The following ZDBF2 variants were observed in gnomAD, a reference collection of about 807,000 sequenced individuals.
ZDBF2 encodes the protein DBF4-type zinc finger-containing protein 2.
Under a neutral mutation model 9.4 loss-of-function variants are expected in ZDBF2, and 6 were observed. The ratio of observed to expected loss-of-function variants is 0.64; its 90% CI spans 0.35 to 1.27. The LOEUF is 1.27. Ranked by LOEUF, ZDBF2 falls within the 50% of genes most tolerant of loss-of-function variation. ZDBF2 has a pLI of 0.03. For synonymous variants in ZDBF2, 905 were observed against 946.3 expected (o/e 0.96, Z 0.80); for missense variants, 2,697 against 2,766.8 (o/e 0.97, Z 0.57).
At chr2:206,300,234 T>C (rs1692432064) in intron 4 of ZDBF2, among the ~76,000 whole-genome samples, 1 of 152,218 alleles carries the variant, frequency 6.6e-6, no homozygotes. Context: ...ACAGCTAATC[T>C]GTAGACCTTG....
chr2:206,299,890 C>G (rs1254960686), intron 4 of ZDBF2, among the ~76,000 whole-genome samples: 2 of 151,830 alleles, frequency 1.3e-5, no homozygotes, highest in African/African-American at 4.8e-5. Context: ...GGCGGATCAC[C>G]TGAGGTCGGG....
rs754048438 is a variant in ZDBF2, at chr2:206,281,818, A to G, written c.-32A>G. ...TTTTTCAGCTTGAGTATTCAAAGAC[A>G]GTAGCCATCTGACTTCAGTTATTTA... is the stretch of plus-strand genomic sequence containing the variant. On this transcript the variant is annotated 5_prime_UTR_variant, in exon 3 of 5. Coordinates refer to ENST00000374423, the MANE Select transcript of ZDBF2 (RefSeq NM_020923.3). The G allele has an allele frequency of 6.8e-6, 11 of 1,606,034 alleles. No homozygotes were observed. In the South Asian group the frequency reaches 1.2e-4, roughly 18 times the overall value.
intron 4 of ZDBF2, 103 bp from the exon 5 acceptor site, chr2:206,304,614 G>C: frequency 7.2e-7 from 1 of 1,385,386 alleles, no homozygotes; most frequent in Non-Finnish European, 9.6e-7. Flanking sequence ...TGTCCTTTAA[G>C]GATAGTCCAG....
Position 206,305,158 on chromosome 2 carries a change from A to G in ZDBF2, c.630A>G (p.Ala210=), listed in dbSNP as rs558357541. The G allele has an allele frequency of 3.1e-6, 5 of 1,613,890 alleles. No individual in the cohort carries two copies. In the Admixed American group the frequency reaches 8.3e-5, roughly 27 times the overall value. ...CTAATACAACTAGTTTACCACCAGC[A>G]GCTCATTTGGATTCAGTTAGCAAAT... ...VTANTTSLPP[A]AHLDSVSKCD... is the part of the protein sequence containing the mutation. Residue 210 remains alanine (A), a synonymous_variant, in exon 5 of 5, where the codon GCA becomes GCG. Coordinates refer to ENST00000374423, the MANE Select transcript of ZDBF2 (RefSeq NM_020923.3).
At chr2:206,291,886 A>G (rs1481687934) in intron 3 of ZDBF2, among the ~76,000 whole-genome samples, 2 of 152,214 alleles carry the variant, frequency 1.3e-5, no homozygotes, top group Admixed American at 6.5e-5. Context: ...AACAGAAACA[A>G]TGGAAGCCAA....
chr2:206,303,004 CTAT>C (rs1409672733), intron 4 of ZDBF2, among the ~76,000 whole-genome samples: 6 of 152,052 alleles, frequency 3.9e-5, no homozygotes, highest in Non-Finnish European at 8.8e-5. Context: ...CACAATTTCT[CTAT>C]TATTAACATT....
Position 206,304,807 on chromosome 2 carries a change from T to G in ZDBF2, c.279T>G (p.Asp93Glu), listed in dbSNP as rs1692681826. The G allele has an allele frequency of 9.3e-6, 15 of 1,613,510 alleles. No homozygotes were observed. The highest frequency in any genetic ancestry group is 1.3e-5 in the Non-Finnish European group (15 of 1,179,704). ...DDAFSEEEEE[D>E]EDKVEDEDAT... is the part of the protein sequence containing the mutation. The stretch of plus-strand genomic sequence containing the variant: ...CTTTTTCTGAAGAAGAGGAAGAGGA[T>G]GAGGATAAGGTTGAGGATGAGGATG... Residue 93 changes from aspartate (D) to glutamate (E), a missense_variant, in exon 5 of 5, where the codon GAT becomes GAG. Physicochemically the swap from Asp to Glu is conservative, Grantham distance 45 (BLOSUM62 2). Transcript: ENST00000374423.
At chr2:206,295,993 C>CT (rs1692155702) in intron 3 of ZDBF2, among the ~76,000 whole-genome samples, 1 of 152,160 alleles carries the variant, frequency 6.6e-6, no homozygotes, top group East Asian at 1.9e-4. Flanking sequence ...TCTTTGACCT[C>CT]TTTTAATACA....
At chr2:206,291,850 T>C (rs1559138748) in intron 3 of ZDBF2, among the ~76,000 whole-genome samples, 1 of 152,166 alleles carries the variant, frequency 6.6e-6, no homozygotes, top group Non-Finnish European at 1.5e-5. Flanking sequence ...TGAAGTAATA[T>C]GGGGCCCATA....
rs2105884136 is a variant in ZDBF2 at position 206,274,706 on chromosome 2, G to A, written c.-343G>A. 1.3e-5 allele frequency: 2 copies of A among 152,386 alleles called. No homozygotes were observed. The highest frequency in any genetic ancestry group is 4.8e-5 in the African/African-American group (2 of 41,592). The allele number at this position is 152,386 out of a possible 1,614,324, so 9.4% of individuals were successfully genotyped here. On this transcript the variant is annotated 5_prime_UTR_variant, in exon 1 of 5. Transcript: ENST00000374423. ...CAACGCCACGTTGCCTTGGATGCCT[G>A]CGTGAGTGGAGTCGCGACTCGGGGC...
At position 206,306,518 on chromosome 2, in the gene ZDBF2, C is replaced by G. The variant is rs531833661; in HGVS notation, c.1990C>G (p.His664Asp). The G allele has an allele frequency of 5.6e-6, 9 of 1,613,746 alleles. No individual in the cohort carries two copies. The Middle Eastern group carries it at 8.2e-4, about 148-fold the overall frequency. Reference sequence around the variant, plus strand: ...CCTTATGGATATGAACTGTGAATCCCATGGTCCTGAAATGGGTTTTCAGGC... The same window carrying G: ...CCTTATGGATATGAACTGTGAATCCGATGGTCCTGAAATGGGTTTTCAGGC... ...ADLMDMNCES[H>D]GPEMGFQADA... Residue 664 changes from histidine (H) to aspartate (D), a missense_variant, in exon 5 of 5, where the codon CAT becomes GAT. This residue lies in a region of ZDBF2 where 910 missense variants were observed against 973.6 expected (regional missense o/e 0.93). Coordinates refer to ENST00000374423, the MANE Select transcript of ZDBF2 (RefSeq NM_020923.3).
Position 206,308,236 on chromosome 2 carries a change from T to G in ZDBF2, c.3708T>G (p.Asn1236Lys), listed in dbSNP as rs746912651. The G allele has an allele frequency of 8.7e-6, 14 of 1,613,796 alleles. No homozygotes were observed. The highest frequency in any genetic ancestry group is 8.5e-6 in the Non-Finnish European group (10 of 1,179,824). The change falls in exon 5 of 5, where the codon AAT (asparagine) becomes AAG (lysine). Residue 1236 changes from asparagine to lysine, a missense_variant. This residue lies in a region of ZDBF2 where 1,783 missense variants were observed against 1,776.5 expected (regional missense o/e 1.00). Coordinates refer to ENST00000374423, the MANE Select transcript of ZDBF2 (RefSeq NM_020923.3). Reference protein sequence around the residue: ...DEEVDTEDRRNEAKGFEIMYD... With the variant: ...DEEVDTEDRRKEAKGFEIMYD... ...AAGTTGACACGGAAGATAGGAGAAA[T>G]GAAGCTAAGGGTTTTGAAATTATGT...
At chr2:206,289,546 C>G (rs529879259) in intron 3 of ZDBF2, among the ~76,000 whole-genome samples, 19 of 152,236 alleles carry the variant, frequency 1.2e-4, no homozygotes, top group Non-Finnish European at 2.8e-4. Context: ...TGTGAGGCCA[C>G]CGGGCTGGGA....
At chr2:206,299,738 G>A (rs1457886307) in intron 4 of ZDBF2, among the ~76,000 whole-genome samples, 1 of 151,924 alleles carries the variant, frequency 6.6e-6, no homozygotes, top group Non-Finnish European at 1.5e-5. Flanking sequence ...AGTGTACTTT[G>A]ACCTCCCCCC....
chr2:206,304,516 C>G (rs1692660802), intron 4 of ZDBF2, among the ~76,000 whole-genome samples: 2 of 152,158 alleles, frequency 1.3e-5, no homozygotes, highest in South Asian at 4.1e-4. Flanking sequence ...ATTTAAGTAG[C>G]AATTGGTGGA....
rs758035112 is a variant in ZDBF2 at position 206,311,082 on chromosome 2, G to A, written c.6554G>A (p.Ser2185Asn). The A allele has an allele frequency of 7.5e-5, 121 of 1,613,074 alleles. No individual in the cohort carries two copies. The highest frequency in any genetic ancestry group is 9.1e-5 in the Non-Finnish European group (107 of 1,179,748). Residue 2185 changes from serine to asparagine, a missense_variant, in exon 5 of 5, where the codon AGT becomes AAT. Transcript: ENST00000374423. ...KIHGKRVTTSSNKLGFPKKVY... is the reference protein window; with the variant it reads ...KIHGKRVTTSNNKLGFPKKVY... The stretch of plus-strand genomic sequence containing the variant: ...CATGGAAAGAGGGTGACAACTAGTA[G>A]TAATAAGCTAGGTTTTCCCAAAAAG...
chr2:206,304,950 T>C lies in ZDBF2; in HGVS notation c.422T>C (p.Leu141Pro). Residue 141 changes from leucine to proline, a missense_variant, in exon 5 of 5, where the codon CTG becomes CCG. Leu to Pro is a moderately conservative substitution (Grantham distance 98, BLOSUM62 -3). Transcript: ENST00000374423. The stretch of plus-strand genomic sequence containing the variant: ...GTTCGACCATCAGTTATTCAAAAAC[T>C]GGAGAAGGGACAGCAGCAGCCCTTG... ...VSVRPSVIQK[L>P]EKGQQQPLEF... The C allele has an allele frequency of 6.2e-7, 1 of 1,613,632 alleles. No homozygotes were observed. Among genetic ancestry groups the C allele is most frequent in the Non-Finnish European group, 8.5e-7 (1 of 1,179,760 alleles).
rs1691334906 is a variant in ZDBF2 at position 206,281,847 on chromosome 2, A to G, written c.-3A>G. 1 of 1,612,718 alleles carries G rather than the reference A, an allele frequency of 6.2e-7. No homozygotes were observed. Among genetic ancestry groups the G allele is most frequent in the East Asian group, 2.2e-5 (1 of 44,796 alleles). ...GCCATCTGACTTCAGTTATTTATTCAAGATGCAGAAAAGACAAGGATATTG... is the reference window on the plus strand; with the variant it reads ...GCCATCTGACTTCAGTTATTTATTCGAGATGCAGAAAAGACAAGGATATTG... On this transcript the variant is annotated 5_prime_UTR_variant, in exon 3 of 5. Coordinates refer to ENST00000374423, the MANE Select transcript of ZDBF2 (RefSeq NM_020923.3).
At chr2:206,301,176 T>C (rs2105939533) in intron 4 of ZDBF2, among the ~76,000 whole-genome samples, 1 of 152,330 alleles carries the variant, frequency 6.6e-6, no homozygotes, top group East Asian at 1.9e-4. Context: ...ACTTTGCCCA[T>C]TTTTCTATGG....
Sources: allele counts gnomAD v4.1 joint callset (sites outside exome capture counted in the v4.1 genomes callset), GRCh38; gene constraint gnomAD v4.1.1; regional missense constraint gnomAD v4.1.1; transcripts MANE v1.5; gene names NCBI Gene and HGNC (gene_info 2026-07-23, HGNC 2026-07-21).